Variants in DNAH10 observed in about 807,000 individuals in gnomAD.
DNAH10 encodes the protein axonemal beta dynein heavy chain 10.
Under a neutral mutation model 506.6 loss-of-function variants are expected in DNAH10, and 348 were observed. The observed-to-expected ratio is 0.69, with a 90% CI of 0.63 to 0.75. The LOEUF is 0.75. DNAH10 is among the 30% of genes least tolerant of loss of function. The probability of loss-of-function intolerance (pLI) is 0.00; values close to 1 mark genes in which losing one functional copy is unlikely to be tolerated. For synonymous variants in DNAH10, 2,059 were observed against 2,198.6 expected (o/e 0.94, Z 1.78); for missense variants, 5,179 against 5,787.1 (o/e 0.89, Z 3.41).
At chr12:123,858,596 A>T (rs1264384786) in intron 37 of DNAH10, among the ~76,000 whole-genome samples, 1 of 152,180 alleles carries the variant, frequency 6.6e-6, no homozygotes, top group African/African-American at 2.4e-5. Context: ...TCTACCCAAG[A>T]ATGAGGACGA....
chr12:123,877,673 G>A (rs2137028561), intron 47 of DNAH10, 63 bp from the exon 48 acceptor site: 2 of 1,533,986 alleles, frequency 1.3e-6, no homozygotes, highest in Middle Eastern at 2.2e-4. Flanking sequence ...GCCACATTTT[G>A]TTTATTCACT....
chr12:123,840,230 G>A (rs998519816), intron 29 of DNAH10, among the ~76,000 whole-genome samples: 5 of 151,990 alleles, frequency 3.3e-5, no homozygotes, highest in African/African-American at 4.8e-5. Context: ...AGTGTTGCAC[G>A]GTAATTCCTC....
At chr12:123,779,827 A>G (rs1340814384) in intron 5 of DNAH10, among the ~76,000 whole-genome samples, 1 of 152,184 alleles carries the variant, frequency 6.6e-6, no homozygotes, top group African/African-American at 2.4e-5. Flanking sequence ...ATACATATAG[A>G]TTCAAAGAGT....
At chr12:123,816,320 C>T (rs1171962106) in intron 21 of DNAH10, among the ~76,000 whole-genome samples, 4 of 152,144 alleles carry the variant, frequency 2.6e-5, no homozygotes, top group African/African-American at 9.7e-5. Flanking sequence ...CTTTCAGGCG[C>T]CCATCTTTGC....
At chr12:123,795,638 T>A (rs1253018725) in intron 12 of DNAH10, among the ~76,000 whole-genome samples, 1 of 152,224 alleles carries the variant, frequency 6.6e-6, no homozygotes, top group Non-Finnish European at 1.5e-5. Flanking sequence ...ATCAGCTGAC[T>A]GACAACATTA....
chr12:123,780,564 C>A (rs1184054350), intron 5 of DNAH10, among the ~76,000 whole-genome samples: 1 of 152,096 alleles, frequency 6.6e-6, no homozygotes, highest in Non-Finnish European at 1.5e-5. Flanking sequence ...AAAATTGATG[C>A]CCTTGGATCA....
chr12:123,770,191 T>G (rs1157874325), intron 2 of DNAH10, among the ~76,000 whole-genome samples: 1 of 151,964 alleles, frequency 6.6e-6, no homozygotes, highest in Non-Finnish European at 1.5e-5. Context: ...GAGGTTGCAG[T>G]GAGCCAAGAT....
rs145617767 is a variant in DNAH10 at position 123,925,147 on chromosome 12, G to A, written c.11864G>A (p.Arg3955His). 231 of 1,613,958 alleles carry A rather than the reference G, an allele frequency of 1.4e-4. No individual in the cohort carries two copies. Among genetic ancestry groups the A allele is most frequent in the Non-Finnish European group, 1.6e-4 (184 of 1,179,894 alleles). ...FQKLLILRCFRVDRVYRAVTD... is the reference protein window; with the variant it reads ...FQKLLILRCFHVDRVYRAVTD... ...AAGTTGCTTATTTTGCGCTGTTTCC[G>A]TGTGGATCGGGTCTATCGGGCCGTG... Residue 3955 changes from arginine to histidine, a missense_variant, in exon 68 of 79, where the codon CGT becomes CAT. Coordinates refer to ENST00000673944, the MANE Select transcript of DNAH10 (RefSeq NM_001372106.1). The surrounding 1 kb of genome is among the most constrained non-coding windows in gnomAD (Gnocchi z 4.0).
At chr12:123,851,122 C>A in intron 35 of DNAH10, 46 bp downstream of exon 35, 1 of 1,517,000 alleles carries the variant, frequency 6.6e-7, no homozygotes, top group East Asian at 2.3e-5. Context: ...AGACTTCACC[C>A]GGGTCTGCTT....
At chr12:123,868,146 C>T in intron 43 of DNAH10, 27 bp downstream of exon 43, 1 of 1,590,698 alleles carries the variant, frequency 6.3e-7, no homozygotes, top group Non-Finnish European at 8.6e-7. Context: ...GCCTGTTTCC[C>T]TGCTCTGAGT....
intron 59 of DNAH10, 29 bp downstream of exon 59, chr12:123,910,701 C>T: frequency 6.2e-7 from 1 of 1,606,806 alleles, no homozygotes; most frequent in East Asian, 2.2e-5. Context: ...ACTGCCACAC[C>T]ACTGCCAAGG....
chr12:123,808,893 C>A lies in DNAH10; in HGVS notation c.3084C>A (p.Asn1028Lys), dbSNP rs775160165. The change falls in exon 19 of 79, where the codon AAC becomes AAA. Residue 1028 changes from asparagine (N) to lysine (K), a missense_variant. Physicochemically the swap from Asn to Lys is moderately conservative, Grantham distance 94. Around this residue, in one of 3 missense-constraint regions of DNAH10, gnomAD observed 4,844 missense variants for 5,430.5 expected, o/e 0.89. Transcript: ENST00000673944. Reference sequence around the variant, plus strand: ...CACCTGAGATCATCCTTCATCCCAACACAAATGAGATCGACAAGATGTGCT... The same window carrying A: ...CACCTGAGATCATCCTTCATCCCAAAACAAATGAGATCGACAAGATGTGCT... Reference protein sequence around the residue: ...LTAPEIILHPNTNEIDKMCFH... With the variant: ...LTAPEIILHPKTNEIDKMCFH... 3 of 1,614,224 alleles carry A rather than the reference C, an allele frequency of 1.9e-6. No individual in the cohort carries two copies. Among genetic ancestry groups the A allele is most frequent in the Non-Finnish European group, 2.5e-6 (3 of 1,180,046 alleles).
At position 123,834,217 on chromosome 12, in the gene DNAH10, A is replaced by G. The variant is rs1444374434; in HGVS notation, c.4779+870A>G. Among the ~76,000 whole-genome samples, 4 of 151,578 alleles carry G rather than the reference A, an allele frequency of 2.6e-5. No individual in the cohort carries two copies. The East Asian group carries it at 7.7e-4, about 29-fold the overall frequency. On this transcript the variant is annotated intron_variant, in intron 27 of 78. Transcript: ENST00000673944. Reference sequence around the variant, plus strand: ...TTTTTTAATTTGTGAGTAAAAAACAATTTTTTTTTAGATGGAGTCTTGCTC... The same window carrying G: ...TTTTTTAATTTGTGAGTAAAAAACAGTTTTTTTTTAGATGGAGTCTTGCTC...
At chr12:123,789,877 C>T (rs1347131543) in intron 10 of DNAH10, 50 bp from the exon 11 acceptor site, 1 of 1,539,760 alleles carries the variant, frequency 6.5e-7, no homozygotes, top group South Asian at 1.2e-5. Flanking sequence ...TTCTAATATT[C>T]ACAGGAAAAC....
chr12:123,810,711 A>C (rs975017648), intron 19 of DNAH10, among the ~76,000 whole-genome samples: 3 of 152,186 alleles, frequency 2.0e-5, no homozygotes, highest in African/African-American at 7.2e-5. Flanking sequence ...AAAATGTTGA[A>C]TAAACGGTAC....
At chr12:123,811,927 G>A (rs1340470395) in intron 19 of DNAH10, among the ~76,000 whole-genome samples, 3 of 152,022 alleles carry the variant, frequency 2.0e-5, no homozygotes, top group African/African-American at 4.8e-5. Context: ...GCGAGCCAAC[G>A]CGCCCCGCCT....
At position 123,928,659 on chromosome 12, in the gene DNAH10, CG is replaced by C. The variant is rs1955053792; in HGVS notation, c.12306+76del. ...GAACACCTGCATGCTGCTCTGGGGC[CG>C]GGGTGTGCCTTTGTCTGTGTAGAAA... On this transcript the variant is annotated intron_variant, in intron 70 of 78. Coordinates refer to ENST00000673944, the MANE Select transcript of DNAH10 (RefSeq NM_001372106.1). The surrounding 1 kb of genome is among the most constrained non-coding windows in gnomAD (Gnocchi z 4.9). The C allele has an allele frequency of 6.8e-7, 1 of 1,480,698 alleles. No homozygotes were observed. 91.7% of individuals were successfully genotyped at this position (1,480,698 alleles called of 1,614,324 possible). A position where few individuals can be genotyped will look rare whatever the true frequency, so the allele number is the denominator to read the frequency against.
chr12:123,912,310 T>G (rs1207415689), intron 59 of DNAH10, among the ~76,000 whole-genome samples: 1 of 16,190 alleles, frequency 6.2e-5, no homozygotes, highest in Non-Finnish European at 1.1e-4. Flanking sequence ...GGGTCTGTCC[T>G]GGGGGGTCTG....
chr12:123,823,355 C>G (rs1414177421), intron 24 of DNAH10, among the ~76,000 whole-genome samples: 1 of 152,094 alleles, frequency 6.6e-6, no homozygotes, highest in Non-Finnish European at 1.5e-5. Flanking sequence ...CCGGAGGCAG[C>G]CGGGGGATTG....
Sources: gnomAD v4.1 joint callset for allele counts (sites outside exome capture counted in the v4.1 genomes callset) on GRCh38, gnomAD v4.1.1 for gene constraint, gnomAD v4.1.1 regional missense constraint, Gnocchi (gnomAD v3.1) non-coding constraint, MANE v1.5 for transcripts, NCBI Gene and HGNC (gene_info 2026-07-23, HGNC 2026-07-21) for gene names.